CCDC91: variants seen among roughly 807,000 people sequenced by gnomAD.
CCDC91 encodes the protein coiled-coil domain-containing protein 91.
A neutral mutation model predicts 63.2 loss-of-function variants in CCDC91; 48 were observed. The observed-to-expected ratio is 0.76, with a 90% confidence interval of 0.60 to 0.97. The LOEUF (loss-of-function observed/expected upper bound fraction) is 0.97, where lower values mean the gene tolerates loss of function less well. Ranked by LOEUF, CCDC91 falls within the 50% of genes least tolerant of loss-of-function variation. CCDC91 has a pLI of 0.00. For missense variants in CCDC91, 500 were observed against 494.6 expected, an observed-to-expected ratio of 1.01 and a Z score of -0.10; for synonymous variants, 167 against 165.8, an observed-to-expected ratio of 1.01 and a Z score of -0.06.
At position 28,303,147 on chromosome 12, in the gene CCDC91, T is replaced by A. The variant is rs1293637664; in HGVS notation, c.110-2502T>A. 2.0e-5 allele frequency among the ~76,000 whole-genome samples: 3 copies of A among 152,088 alleles called. No homozygotes were observed. In the East Asian group the frequency reaches 5.8e-4, roughly 29 times the overall value. ...AAAGATAAGATCAGAAGTGTTTATT[T>A]GATTTAATAGTATCTGATACAACAA... is the stretch of plus-strand genomic sequence containing the variant. On this transcript the variant is annotated intron_variant, in intron 3 of 12. Transcript: ENST00000536442.
chr12:28,253,629 G>C (rs1946263276), intron 1 of CCDC91, among the ~76,000 whole-genome samples: 1 of 152,042 alleles, frequency 6.6e-6, no homozygotes, highest in Admixed American at 6.6e-5. Flanking sequence ...CATTTTCCTT[G>C]TATTTGCTTT....
At chr12:28,220,755 A>G (rs950281564) in intron 1 of CCDC91, among the ~76,000 whole-genome samples, 4 of 152,234 alleles carry the variant, frequency 2.6e-5, no homozygotes, top group Non-Finnish European at 5.9e-5. Flanking sequence ...GTTGAAAGAC[A>G]TATCTCCATT....
intron 12 of CCDC91, among the ~76,000 whole-genome samples, chr12:28,490,729 T>G (rs1055876486): frequency 7.2e-5 from 11 of 151,974 alleles, no homozygotes; most frequent in African/African-American, 2.7e-4. Context: ...TTCTCTATCT[T>G]AAACTCTTTG....
intron 11 of CCDC91, among the ~76,000 whole-genome samples, chr12:28,473,774 T>C (rs1467095650): frequency 6.6e-6 from 1 of 152,116 alleles, no homozygotes; most frequent in Non-Finnish European, 1.5e-5. Context: ...TTGCAACCGA[T>C]GCCGTCAATC....
chr12:28,372,063 C>T (rs1245506937), intron 7 of CCDC91, among the ~76,000 whole-genome samples: 1 of 152,030 alleles, frequency 6.6e-6, no homozygotes, highest in Non-Finnish European at 1.5e-5. Context: ...TGTGGATATC[C>T]AGTTTTTCCA....
Position 28,252,797 on chromosome 12 carries a change from G to A in CCDC91, c.-14-4405G>A, listed in dbSNP as rs1416049931. ...AGATGCTTTCTTCATCTCTTTGGTCGTCCTTGATAGTCTGTTCACATGTAA... is the reference window on the plus strand; with the variant it reads ...AGATGCTTTCTTCATCTCTTTGGTCATCCTTGATAGTCTGTTCACATGTAA... On this transcript the variant is annotated intron_variant, in intron 1 of 12. Transcript: ENST00000536442. 8.6e-5 allele frequency among the ~76,000 whole-genome samples: 13 copies of A among 151,682 alleles called. No individual in the cohort carries two copies. The South Asian group carries it at 1.5e-3, about 17-fold the overall frequency.
chr12:28,208,555 A>G (rs1377036825), intron 1 of CCDC91, among the ~76,000 whole-genome samples: 1 of 152,212 alleles, frequency 6.6e-6, no homozygotes, highest in Non-Finnish European at 1.5e-5. Context: ...AGAAAAGACC[A>G]TTTTAAAGGT....
rs141192633 is a variant in CCDC91 at position 28,508,179 on chromosome 12, A to G, written c.1215+24014A>G. Among the ~76,000 whole-genome samples, 37 of 151,970 alleles carry G rather than the reference A, an allele frequency of 2.4e-4. 1 individual carries two copies. The highest frequency in any genetic ancestry group is 6.8e-3 in the Middle Eastern group (2 of 294). On this transcript the variant is annotated intron_variant, in intron 12 of 12. Transcript: ENST00000536442. ...GTACACTCAGATCCACTTCCTCTATATAATAAGTTCTTGTAACAGCTCCTC... is the reference window on the plus strand; with the variant it reads ...GTACACTCAGATCCACTTCCTCTATGTAATAAGTTCTTGTAACAGCTCCTC...
chr12:28,237,972 CTAAT>C (rs1455207334), intron 1 of CCDC91, among the ~76,000 whole-genome samples: 6 of 152,154 alleles, frequency 3.9e-5, no homozygotes, highest in African/African-American at 1.2e-4. Context: ...CCCTCTTTTA[CTAAT>C]TAATTCTTAA....
intron 8 of CCDC91, among the ~76,000 whole-genome samples, chr12:28,420,848 C>T (rs569356158): frequency 8.0e-4 from 122 of 151,770 alleles, no homozygotes; most frequent in Admixed American, 1.4e-3. Context: ...ATTTAGAATC[C>T]GCAAAATTTT....
chr12:28,423,149 T>C (rs1391484772), intron 8 of CCDC91, among the ~76,000 whole-genome samples: 1 of 151,998 alleles, frequency 6.6e-6, no homozygotes, highest in Admixed American at 6.6e-5. Context: ...AATAAAAAAA[T>C]GAAACATTTC....
chr12:28,305,898 A>T (rs1459114658), intron 4 of CCDC91, 92 bp downstream of exon 4: 1 of 1,105,044 alleles, frequency 9.0e-7, no homozygotes, highest in African/African-American at 1.6e-5. Flanking sequence ...TTTTTAGCCT[A>T]TTTGTCTAAA....
At chr12:28,377,328 G>A (rs544040903) in intron 7 of CCDC91, among the ~76,000 whole-genome samples, 6 of 151,516 alleles carry the variant, frequency 4.0e-5, no homozygotes, top group South Asian at 4.2e-4. Flanking sequence ...GGATTTAGAC[G>A]TTTCACAAAT....
At chr12:28,349,496 T>TA (rs1943039532) in intron 6 of CCDC91, among the ~76,000 whole-genome samples, 2 of 152,204 alleles carry the variant, frequency 1.3e-5, no homozygotes, top group Admixed American at 1.3e-4. Flanking sequence ...GCCCTATGCT[T>TA]ATAAGGGCCT....
chr12:28,227,571 C>G lies in CCDC91; in HGVS notation c.-14-29631C>G, dbSNP rs1186098735. Among the ~76,000 whole-genome samples, 3 of 152,072 alleles carry G rather than the reference C, an allele frequency of 2.0e-5. No individual in the cohort carries two copies. The East Asian group carries it at 5.8e-4, about 29-fold the overall frequency. On this transcript the variant is annotated intron_variant, in intron 1 of 12. Transcript: ENST00000536442. ...CCAAACTAATTATTCTACACCTCAT[C>G]TACTTCATTTTATGCCTTTTTGTAC...
intron 6 of CCDC91, among the ~76,000 whole-genome samples, chr12:28,359,782 C>CTTTCTTTTTTTTTTT (rs1565853546): frequency 3.9e-5 from 6 of 152,086 alleles, no homozygotes; most frequent in African/African-American, 1.4e-4. Flanking sequence ...CAGAATATTT[C>CTTTCTTTTTTTTTTT]TATTTACTTT....
At chr12:28,387,674 A>T (rs566968467) in intron 7 of CCDC91, among the ~76,000 whole-genome samples, 1 of 152,312 alleles carries the variant, frequency 6.6e-6, no homozygotes, top group Admixed American at 6.5e-5. Context: ...TTCACTTAGA[A>T]CAATAGTCTT....
intron 1 of CCDC91, among the ~76,000 whole-genome samples, chr12:28,213,565 C>T (rs1399160384): frequency 6.6e-6 from 1 of 152,154 alleles, no homozygotes; most frequent in Non-Finnish European, 1.5e-5. Flanking sequence ...TTAGTTTGCT[C>T]CCATCATGAA....
At chr12:28,317,913 T>C (rs1265380460) in intron 6 of CCDC91, among the ~76,000 whole-genome samples, 1 of 151,950 alleles carries the variant, frequency 6.6e-6, no homozygotes, top group African/African-American at 2.4e-5. Context: ...CATTTTTCTT[T>C]CTTCACTAAA....
Sources: allele counts gnomAD v4.1 joint callset (sites outside exome capture counted in the v4.1 genomes callset), GRCh38; gene constraint gnomAD v4.1.1; transcripts MANE v1.5; gene names NCBI Gene and HGNC (gene_info 2026-07-23, HGNC 2026-07-21).